The following CNTNAP2 variants were observed in gnomAD, a reference collection of about 807,000 sequenced individuals.
CNTNAP2 encodes the protein contactin-associated protein-like 2.
A neutral mutation model predicts 155.2 loss-of-function variants in CNTNAP2; 98 were observed. That is an observed-to-expected ratio of 0.63 (90% CI 0.54 to 0.75). The LOEUF is 0.75. Ranked by LOEUF, CNTNAP2 falls within the 30% of genes least tolerant of loss-of-function variation. The pLI, the probability that CNTNAP2 is intolerant of heterozygous loss-of-function variation, is 0.00. For synonymous variants in CNTNAP2, 651 were observed against 631.2 expected, an observed-to-expected ratio of 1.03 and a Z score of -0.47; for missense variants, 1,727 against 1,688.1, an observed-to-expected ratio of 1.02 and a Z score of -0.40.
chr7:148,248,485 C>A (rs754911747), intron 20 of CNTNAP2, among the ~76,000 whole-genome samples: 1 of 152,218 alleles, frequency 6.6e-6, no homozygotes, highest in South Asian at 2.1e-4. Flanking sequence ...GCGTGAGCTA[C>A]CACGCCCGGC....
chr7:147,062,023 G>C (rs1799687768), intron 4 of CNTNAP2, among the ~76,000 whole-genome samples: 1 of 150,694 alleles, frequency 6.6e-6, no homozygotes, highest in Non-Finnish European at 1.5e-5. Context: ...AGCTACTCAG[G>C]AGGCTGAGGC....
chr7:146,661,732 C>CTTTCTT (rs1554464100), intron 1 of CNTNAP2, among the ~76,000 whole-genome samples: 12 of 145,070 alleles, frequency 8.3e-5, no homozygotes, highest in South Asian at 4.3e-4. Context: ...TTCTTTCTTT[C>CTTTCTT]TTTTTTTTTT....
chr7:148,160,098 G>A (rs1805489849), intron 17 of CNTNAP2, among the ~76,000 whole-genome samples: 1 of 152,172 alleles, frequency 6.6e-6, no homozygotes, highest in East Asian at 1.9e-4. Flanking sequence ...AAATTGGCTG[G>A]ATGTGGTGGC....
chr7:147,071,402 T>C (rs1799889384), intron 4 of CNTNAP2, among the ~76,000 whole-genome samples: 1 of 151,984 alleles, frequency 6.6e-6, no homozygotes, highest in African/African-American at 2.4e-5. Flanking sequence ...CGTGCATCTT[T>C]CAGCAAGCAG....
At chr7:146,418,588 G>T (rs1020703951) in intron 1 of CNTNAP2, among the ~76,000 whole-genome samples, 1 of 151,934 alleles carries the variant, frequency 6.6e-6, no homozygotes, top group Non-Finnish European at 1.5e-5. Context: ...TACATAATGC[G>T]TATTTATTTT....
chr7:147,521,016 A>C (rs1280708699), intron 11 of CNTNAP2, among the ~76,000 whole-genome samples: 1 of 152,216 alleles, frequency 6.6e-6, no homozygotes, highest in Non-Finnish European at 1.5e-5. Context: ...CCTTGACCAC[A>C]TGAATGTGAG....
At chr7:147,211,229 T>A (rs1477445623) in intron 8 of CNTNAP2, among the ~76,000 whole-genome samples, 2 of 152,018 alleles carry the variant, frequency 1.3e-5, no homozygotes, top group African/African-American at 4.8e-5. Context: ...CAGTGGGGTG[T>A]TTAAGTGCCT....
chr7:146,423,982 T>C (rs1796051139), intron 1 of CNTNAP2, among the ~76,000 whole-genome samples: 1 of 152,184 alleles, frequency 6.6e-6, no homozygotes, highest in Admixed American at 6.6e-5. Context: ...CCTCAGTTAA[T>C]TCTTTTGAGT....
At chr7:148,407,529 C>A (rs1336168054) in intron 22 of CNTNAP2, among the ~76,000 whole-genome samples, 5 of 151,904 alleles carry the variant, frequency 3.3e-5, no homozygotes, top group African/African-American at 1.2e-4. Context: ...CATAGGGAAA[C>A]CCCATCTCTA....
chr7:146,680,199 C>G (rs542385607), intron 1 of CNTNAP2, among the ~76,000 whole-genome samples: 18 of 152,186 alleles, frequency 1.2e-4, no homozygotes, highest in African/African-American at 4.3e-4. Context: ...TTGTCAAGGG[C>G]AGTTCGTTTG....
intron 1 of CNTNAP2, among the ~76,000 whole-genome samples, chr7:146,746,922 T>C (rs1259589305): frequency 6.7e-6 from 1 of 148,802 alleles, no homozygotes; most frequent in South Asian, 2.1e-4. Flanking sequence ...TTTCCTATTA[T>C]CTTTTTTCCA....
chr7:146,245,678 T>C (rs1443910435), intron 1 of CNTNAP2, among the ~76,000 whole-genome samples: 1 of 152,034 alleles, frequency 6.6e-6, no homozygotes, highest in African/African-American at 2.4e-5. Flanking sequence ...TTTATGAGAA[T>C]TATGCCGAGA....
intron 15 of CNTNAP2, among the ~76,000 whole-genome samples, chr7:148,074,027 C>G (rs1803431190): frequency 6.6e-6 from 1 of 152,182 alleles, no homozygotes. Flanking sequence ...CCAGTATTAT[C>G]TGAAGTTTCA....
At chr7:147,464,099 T>C (rs1425176669) in intron 10 of CNTNAP2, among the ~76,000 whole-genome samples, 1 of 151,952 alleles carries the variant, frequency 6.6e-6, no homozygotes, top group Non-Finnish European at 1.5e-5. Context: ...TTTAAGTATA[T>C]ATTGTGTGCT....
intron 12 of CNTNAP2, among the ~76,000 whole-genome samples, chr7:147,567,735 AGTT>A (rs1469993347): frequency 6.6e-6 from 1 of 152,158 alleles, no homozygotes; most frequent in African/African-American, 2.4e-5. Flanking sequence ...AACCAGGTAA[AGTT>A]GTCCTACAGG....
At chr7:146,795,498 A>C (rs753500706) in intron 2 of CNTNAP2, among the ~76,000 whole-genome samples, 8 of 152,200 alleles carry the variant, frequency 5.3e-5, no homozygotes, top group Non-Finnish European at 1.0e-4. Context: ...GGAGAAGTAA[A>C]GTCAGTGTGC....
chr7:148,164,546 C>CAG (rs1346301872), intron 17 of CNTNAP2, among the ~76,000 whole-genome samples: 1 of 151,460 alleles, frequency 6.6e-6, no homozygotes, highest in Non-Finnish European at 1.5e-5. Context: ...AGTCCAGACA[C>CAG]AGCCCTCCAC....
intron 3 of CNTNAP2, among the ~76,000 whole-genome samples, chr7:146,938,721 A>T (rs1041795367): frequency 1.8e-4 from 27 of 152,066 alleles, no homozygotes; most frequent in African/African-American, 6.0e-4. Flanking sequence ...TAATCTTATT[A>T]TTCTGTATAT....
intron 3 of CNTNAP2, among the ~76,000 whole-genome samples, chr7:146,964,967 C>A (rs371831137): frequency 7.1e-6 from 1 of 139,898 alleles, no homozygotes; most frequent in Admixed American, 7.0e-5. Flanking sequence ...ATAAAAAAAA[C>A]AAAACAAAAC....
Sources: allele counts gnomAD v4.1 joint callset (sites outside exome capture counted in the v4.1 genomes callset), GRCh38; gene constraint gnomAD v4.1.1; transcripts MANE v1.5; gene names NCBI Gene and HGNC (gene_info 2026-07-23, HGNC 2026-07-21).